HAPLN1: variants seen among roughly 807,000 people sequenced by gnomAD.
HAPLN1 encodes hyaluronan and proteoglycan link protein 1, also known as Cartilage link protein.
A neutral mutation model predicts 36.5 loss-of-function variants in HAPLN1; 13 were observed. That is an observed-to-expected ratio of 0.36 (90% CI 0.23 to 0.57). HAPLN1 has a LOEUF of 0.57. HAPLN1 is among the 20% of genes least tolerant of loss of function. HAPLN1 has a pLI of 0.83. For synonymous variants in HAPLN1, 202 were observed against 169.8 expected (o/e 1.19, Z -1.48); for missense variants, 407 against 439.7 (o/e 0.93, Z 0.66).
At chr5:83,696,795 T>C (rs147219648) in intron 1 of HAPLN1, among the ~76,000 whole-genome samples, 2,736 of 152,298 alleles carry the variant, frequency 0.018, 25 homozygotes, top group Non-Finnish European at 0.028. Flanking sequence ...AAAAATTTTG[T>C]CCATGCTCAT....
intron 2 of HAPLN1, among the ~76,000 whole-genome samples, chr5:83,664,334 T>A (rs1423434384): frequency 7.5e-6 from 1 of 133,412 alleles, no homozygotes; most frequent in Non-Finnish European, 1.6e-5. Flanking sequence ...CGAACGCCAT[T>A]GGGCCCACTG....
At position 83,668,480 on chromosome 5, in the gene HAPLN1, C is replaced by T. The variant is rs138647954; in HGVS notation, c.100+4944G>A. On this transcript the variant is annotated intron_variant, in intron 2 of 4. Coordinates refer to ENST00000274341, the MANE Select transcript of HAPLN1 (RefSeq NM_001884.4). ...GAATTGGAAGATTGGTCTAGACAAT[C>T]GCTACCAAAGTCCTTTTAAGTTCTT... Among the ~76,000 whole-genome samples, 638 of 152,328 alleles carry T rather than the reference C, an allele frequency of 4.2e-3. 8 individuals are homozygous for T. The highest frequency in any genetic ancestry group is 0.015 in the African/African-American group (611 of 41,578).
chr5:83,710,338 G>C (rs747547817), intron 1 of HAPLN1, among the ~76,000 whole-genome samples: 2 of 152,164 alleles, frequency 1.3e-5, no homozygotes, highest in African/African-American at 4.8e-5. Flanking sequence ...ATCTAGGAAA[G>C]AATGACGCCA....
intron 4 of HAPLN1, among the ~76,000 whole-genome samples, chr5:83,642,546 G>A (rs1462994089): frequency 1.3e-5 from 2 of 152,116 alleles, no homozygotes; most frequent in Non-Finnish European, 2.9e-5. Context: ...TTAAGTATGT[G>A]TAAAATGTAT....
intron 4 of HAPLN1, among the ~76,000 whole-genome samples, chr5:83,642,318 G>A (rs1187751649): frequency 6.6e-6 from 1 of 152,178 alleles, no homozygotes; most frequent in Non-Finnish European, 1.5e-5. Context: ...ATGAAAATGC[G>A]TAAAATACAG....
chr5:83,652,417 C>G, intron 3 of HAPLN1, 36 bp downstream of exon 3: 1 of 1,569,628 alleles, frequency 6.4e-7, no homozygotes, highest in Non-Finnish European at 8.6e-7. Flanking sequence ...CTATTAATGA[C>G]CATTTATACG....
intron 3 of HAPLN1, among the ~76,000 whole-genome samples, chr5:83,645,475 C>CTTTTTCT (rs1749837661): frequency 1.3e-5 from 1 of 74,370 alleles, no homozygotes; most frequent in African/African-American, 6.2e-5. Context: ...CTTTTTCTTT[C>CTTTTTCT]TTTTTTTTTT....
chr5:83,654,932 A>G (rs1192136262), intron 2 of HAPLN1, among the ~76,000 whole-genome samples: 2 of 152,194 alleles, frequency 1.3e-5, no homozygotes, highest in African/African-American at 4.8e-5. Flanking sequence ...AACCTAATAC[A>G]CATAAAGCAC....
chr5:83,697,066 A>T (rs1469489266), intron 1 of HAPLN1, among the ~76,000 whole-genome samples: 1 of 152,102 alleles, frequency 6.6e-6, no homozygotes, highest in African/African-American at 2.4e-5. Context: ...CCCCACCAGG[A>T]TTCCTGGCAA....
chr5:83,716,838 C>A (rs960327092), intron 1 of HAPLN1, among the ~76,000 whole-genome samples: 1 of 152,148 alleles, frequency 6.6e-6, no homozygotes, highest in Non-Finnish European at 1.5e-5. Flanking sequence ...TCGAGACCAA[C>A]CTGGCCAACA....
At chr5:83,655,002 T>C (rs1750174043) in intron 2 of HAPLN1, among the ~76,000 whole-genome samples, 1 of 152,248 alleles carries the variant, frequency 6.6e-6, no homozygotes, top group Non-Finnish European at 1.5e-5. Flanking sequence ...TCCTACTGCA[T>C]AGATTTTACA....
chr5:83,654,385 TA>T (rs1237524611), intron 2 of HAPLN1, among the ~76,000 whole-genome samples: 5 of 152,236 alleles, frequency 3.3e-5, no homozygotes, highest in Middle Eastern at 3.2e-3. Context: ...TCTCATTATT[TA>T]GGACCATAGA....
intron 2 of HAPLN1, 24 bp downstream of exon 2, chr5:83,673,400 A>T (rs774576911): frequency 2.0e-6 from 3 of 1,482,298 alleles, no homozygotes; most frequent in African/African-American, 2.8e-5. Context: ...TTAGGCTTTG[A>T]TAAGAGAAGC....
chr5:83,652,801 C>T lies in HAPLN1; in HGVS notation c.124G>A (p.Val42Met). 1 of 1,583,486 alleles carries T rather than the reference C, an allele frequency of 6.3e-7. No individual in the cohort carries two copies. The highest frequency in any genetic ancestry group is 8.6e-7 in the Non-Finnish European group (1 of 1,159,994). ...IQAENGPHLL[V>M]EAEQAKVFSH... ...AACACCTTGGCTTGCTCTGCTTCCA[C>T]AAGTAGATGGGGGCCATTTTCTGCT... is the stretch of plus-strand genomic sequence containing the variant. The change falls in exon 3 of 5, where the codon GTG becomes ATG. Residue 42 changes from valine (V) to methionine (M), a missense_variant. Coordinates refer to ENST00000274341, the MANE Select transcript of HAPLN1 (RefSeq NM_001884.4).
intron 1 of HAPLN1, among the ~76,000 whole-genome samples, chr5:83,700,193 C>CA (rs58457969): frequency 0.025 from 2,431 of 98,900 alleles, 54 homozygotes; most frequent in African/African-American, 0.047. Flanking sequence ...GACTCCATCT[C>CA]AAAAAAAAAA....
At chr5:83,714,450 C>G (rs973321573) in intron 1 of HAPLN1, among the ~76,000 whole-genome samples, 4 of 152,098 alleles carry the variant, frequency 2.6e-5, no homozygotes, top group African/African-American at 9.7e-5. Flanking sequence ...GATATTTAAA[C>G]AAATGACTCT....
At chr5:83,676,716 C>T (rs1163484060) in intron 1 of HAPLN1, among the ~76,000 whole-genome samples, 2 of 152,070 alleles carry the variant, frequency 1.3e-5, no homozygotes, top group Non-Finnish European at 1.5e-5. Flanking sequence ...TTGATATGAG[C>T]TAAAATTTAG....
intron 1 of HAPLN1, among the ~76,000 whole-genome samples, chr5:83,676,001 G>A (rs190600020): frequency 6.6e-6 from 1 of 152,226 alleles, no homozygotes; most frequent in East Asian, 1.9e-4. Flanking sequence ...ACTTTGACTT[G>A]TGTTATATAT....
At chr5:83,712,721 T>C (rs1451941983) in intron 1 of HAPLN1, among the ~76,000 whole-genome samples, 3 of 152,086 alleles carry the variant, frequency 2.0e-5, no homozygotes, top group African/African-American at 7.2e-5. Flanking sequence ...GTTAAAAAAA[T>C]ACAGAATATC....
Sources: gnomAD v4.1 joint callset for allele counts (sites outside exome capture counted in the v4.1 genomes callset) on GRCh38, gnomAD v4.1.1 for gene constraint, MANE v1.5 for transcripts, NCBI Gene and HGNC (gene_info 2026-07-23, HGNC 2026-07-21) for gene names.